The following MCF2L2 variants were observed in gnomAD, a reference collection of about 807,000 sequenced individuals.
The protein encoded by MCF2L2 is probable guanine nucleotide exchange factor MCF2L2.
In MCF2L2, 102 loss-of-function variants were observed where a neutral mutation model predicts 150.2. The observed-to-expected ratio is 0.68, with a 90% CI of 0.58 to 0.80. The LOEUF (loss-of-function observed/expected upper bound fraction) is 0.80. Ranked by LOEUF, MCF2L2 falls within the 30% of genes least tolerant of loss-of-function variation. The pLI, the probability that MCF2L2 is intolerant of heterozygous loss-of-function variation, is 0.00. For synonymous variants in MCF2L2, 465 were observed against 491.3 expected (o/e 0.95, Z 0.71); for missense variants, 1,256 against 1,372.8 (o/e 0.91, Z 1.34).
chr3:183,297,083 C>G lies in MCF2L2; in HGVS notation c.1390G>C (p.Ala464Pro). 1 of 1,614,186 alleles carries G rather than the reference C, an allele frequency of 6.2e-7. No homozygotes were observed. Among genetic ancestry groups the G allele is most frequent in the Non-Finnish European group, 8.5e-7 (1 of 1,180,026 alleles). ...KCQSREGVDIALNDIATFLGT... is the reference protein window; with the variant it reads ...KCQSREGVDIPLNDIATFLGT... ...AGGAATGTCGCAATGTCGTTCAAGG[C>G]GATATCAACCCCTTCTCGAGACTGG... The change falls in exon 12 of 30, where the codon GCC becomes CCC. Residue 464 changes from alanine to proline, a missense_variant. Physicochemically the swap from Ala to Pro is conservative, Grantham distance 27. Coordinates refer to ENST00000328913, the MANE Select transcript of MCF2L2 (RefSeq NM_015078.4).
intron 3 of MCF2L2, chr3:183,372,856 T>A (rs932390703): frequency 1.3e-5 from 2 of 152,222 alleles, no homozygotes; most frequent in Non-Finnish European, 2.9e-5. Flanking sequence ...AGAAACACAG[T>A]GATAAATATC....
chr3:183,420,831 G>T (rs1715844636), intron 1 of MCF2L2, among the ~76,000 whole-genome samples: 1 of 152,142 alleles, frequency 6.6e-6, no homozygotes, highest in South Asian at 2.1e-4. Flanking sequence ...ACTGTCAAAA[G>T]AATAGCCTGG....
intron 6 of MCF2L2, among the ~76,000 whole-genome samples, chr3:183,320,520 C>A (rs1219008011): frequency 1.3e-5 from 2 of 152,138 alleles, no homozygotes; most frequent in Non-Finnish European, 2.9e-5. Flanking sequence ...CAAACCAACC[C>A]CTGCTAGCTT....
intron 15 of MCF2L2, chr3:183,254,138 G>T (rs1724793724): frequency 6.6e-6 from 1 of 151,826 alleles, no homozygotes; most frequent in Non-Finnish European, 1.5e-5. Flanking sequence ...CTCCGAGTCT[G>T]CCCACTCCGG....
At chr3:183,414,652 T>C (rs930210379) in intron 1 of MCF2L2, among the ~76,000 whole-genome samples, 4 of 152,220 alleles carry the variant, frequency 2.6e-5, no homozygotes, top group Admixed American at 1.3e-4. Context: ...GATTGGGTTA[T>C]TGATTTGAGA....
At chr3:183,342,535 TAACCCCTGTAGTTTCTCAGACTC>T (rs1730742350) in intron 3 of MCF2L2, among the ~76,000 whole-genome samples, 1 of 152,136 alleles carries the variant, frequency 6.6e-6, no homozygotes, top group African/African-American at 2.4e-5. Context: ...GGTAGTTACT[TAACCCCTGTAGTTTCTCAGACTC>T]TTCGTTTGTA....
In MCF2L2 at chr3:183,215,953, C is replaced by T; in HGVS notation, c.2496+16G>A. The stretch of plus-strand genomic sequence containing the variant: ...GCCTTTTGTGTGAGATGCTCTAACA[C>T]TACTATGGAACATACCGGACATTCA... On this transcript the variant is annotated intron_variant, in intron 22 of 29. Transcript: ENST00000328913. 1 of 1,611,238 alleles carries T rather than the reference C, an allele frequency of 6.2e-7. No homozygotes were observed. The highest frequency in any genetic ancestry group is 8.5e-7 in the Non-Finnish European group (1 of 1,178,542).
At chr3:183,349,548 G>A (rs1231850473) in intron 3 of MCF2L2, among the ~76,000 whole-genome samples, 2 of 152,220 alleles carry the variant, frequency 1.3e-5, no homozygotes, top group Non-Finnish European at 2.9e-5. Context: ...TAGCAAAAAC[G>A]TGTGAACGTC....
chr3:183,270,670 A>G lies in MCF2L2; in HGVS notation c.1862+6202T>C. 1.2e-6 allele frequency: 2 copies of G among 1,614,210 alleles called. No homozygotes were observed. Among genetic ancestry groups the G allele is most frequent in the Non-Finnish European group, 1.7e-6 (2 of 1,180,036 alleles). On this transcript the variant is annotated intron_variant, in intron 15 of 29. Transcript: ENST00000328913. This position sits in a 1 kb window ranked among gnomAD's most constrained non-coding sequence, Gnocchi z 4.5. ...GATGTGTTCATGGGCCTCTGTGCCA[A>G]TAAAATAGGGATAGTACCGCAGGAC...
At chr3:183,266,966 TTA>T (rs1726203411) in intron 15 of MCF2L2, among the ~76,000 whole-genome samples, 1 of 152,040 alleles carries the variant, frequency 6.6e-6, no homozygotes, top group South Asian at 2.1e-4. Context: ...TTTGAATTTT[TTA>T]TAGAGATGGG....
intron 1 of MCF2L2, among the ~76,000 whole-genome samples, chr3:183,391,777 CG>C (rs1273714193): frequency 2.0e-5 from 3 of 152,112 alleles, no homozygotes; most frequent in Non-Finnish European, 4.4e-5. Flanking sequence ...TCAGCAGAAA[CG>C]GAAGTTATGT....
chr3:183,361,986 T>C (rs1351520820), intron 3 of MCF2L2, among the ~76,000 whole-genome samples: 1 of 152,220 alleles, frequency 6.6e-6, no homozygotes, highest in African/African-American at 2.4e-5. Context: ...CTTCAGGATA[T>C]ATGTATGTGA....
At chr3:183,389,430 C>G (rs1714018541) in intron 2 of MCF2L2, among the ~76,000 whole-genome samples, 1 of 152,192 alleles carries the variant, frequency 6.6e-6, no homozygotes, top group South Asian at 2.1e-4. Flanking sequence ...TTTCTTTCCT[C>G]AAAATCTTTT....
intron 2 of MCF2L2, among the ~76,000 whole-genome samples, chr3:183,387,899 G>A (rs1172087422): frequency 7.5e-6 from 1 of 133,824 alleles, no homozygotes; most frequent in Non-Finnish European, 1.5e-5. Flanking sequence ...GCTATTGCAC[G>A]CCAGCCTGGA....
chr3:183,297,822 C>T (rs559721827), intron 11 of MCF2L2: 1 of 152,668 alleles, frequency 6.6e-6, no homozygotes. Flanking sequence ...GCACTGCACC[C>T]ACCCAGCCTT....
chr3:183,359,509 C>G (rs530022737), intron 3 of MCF2L2, among the ~76,000 whole-genome samples: 8 of 152,318 alleles, frequency 5.3e-5, no homozygotes, highest in African/African-American at 1.9e-4. Context: ...CATTTACTGT[C>G]TATGGCCATA....
At position 183,320,978 on chromosome 3, in the gene MCF2L2, G is replaced by A. The variant is rs189004995; in HGVS notation, c.603+2257C>T. ...TTGTTCTGTCTTAGAGAGTAGGGAG[G>A]CCCGAGGAGAGGGAGAGAGACAGGT... On this transcript the variant is annotated intron_variant, in intron 6 of 29. Coordinates refer to ENST00000328913, the MANE Select transcript of MCF2L2 (RefSeq NM_015078.4). 2.3e-3 allele frequency among the ~76,000 whole-genome samples: 343 copies of A among 152,302 alleles called. 1 individual carries two copies. The highest frequency in any genetic ancestry group is 8.0e-3 in the African/African-American group (331 of 41,566).
rs1195782105 is a variant in MCF2L2, at chr3:183,214,214, A to C, written c.2496+1755T>G. ...TGTCTAATACGTAATTCAAGATTTA[A>C]AAAGGAACAGAAAGATGCCCTGGAT... On this transcript the variant is annotated intron_variant, in intron 22 of 29. Transcript: ENST00000328913. Among the ~76,000 whole-genome samples the C allele has an allele frequency of 2.0e-5, 3 of 152,368 alleles. No homozygotes were observed. In the East Asian group the frequency reaches 5.8e-4, roughly 29 times the overall value.
chr3:183,225,125 C>T (rs9819356), intron 18 of MCF2L2: 125,157 of 152,262 alleles, frequency 0.82, 55,122 homozygotes, highest in East Asian at 1. Flanking sequence ...ACAGATGATT[C>T]CTTCCCTCTC....
Sources: allele counts gnomAD v4.1 joint callset (sites outside exome capture counted in the v4.1 genomes callset), GRCh38; gene constraint gnomAD v4.1.1; non-coding constraint Gnocchi (gnomAD v3.1); transcripts MANE v1.5; gene names NCBI Gene and HGNC (gene_info 2026-07-23, HGNC 2026-07-21).